Variants in DDX3X observed in about 807,000 individuals in gnomAD.
DDX3X encodes DEAD-box helicase 3 X-linked, also known as ATP-dependent RNA helicase DDX3X.
A neutral mutation model predicts 52.7 loss-of-function variants in DDX3X; 4 were observed. That is an observed-to-expected ratio of 0.08 (90% CI 0.04 to 0.17). The LOEUF (loss-of-function observed/expected upper bound fraction) is 0.17. DDX3X is among the 10% of genes least tolerant of loss of function. DDX3X has a pLI of 1.00. For synonymous variants in DDX3X, 192 were observed against 178.1 expected, an observed-to-expected ratio of 1.08 and a Z score of -0.62; for missense variants, 222 against 548.6, an observed-to-expected ratio of 0.40 and a Z score of 5.95.
intron 14 of DDX3X, 33 bp downstream of exon 14, chrX:41,346,655 T>C: frequency 5.4e-6 from 6 of 1,101,282 alleles, no homozygotes; most frequent in Non-Finnish European, 7.5e-6. Context: ...GTTTCATTGT[T>C]TTTTGCTGTG....
At chrX:41,363,793 G>C (rs868457887) in intron 5 of DDX3X, among the ~76,000 whole-genome samples, 8 of 108,474 alleles carry the variant, frequency 7.4e-5, no homozygotes, top group African/African-American at 6.7e-5. Flanking sequence ...CAAAACAAAA[G>C]AAACAAACAA....
rs1386383167 is a variant in DDX3X at position 41,344,606 on chromosome X, T to C, written c.1025+207T>C. ...GCATGTGCCACCACGCTGGGCTAAT[T>C]TTTGTATTTTTAGTAGAGGCGGGGT... is the stretch of plus-strand genomic sequence containing the variant. On this transcript the variant is annotated intron_variant, in intron 10 of 16. Transcript: ENST00000644876. The C allele has an allele frequency of 1.4e-5, 6 of 439,476 alleles. No homozygotes were observed. The East Asian group carries it at 2.5e-4, about 18-fold the overall frequency. The allele number at this position is 439,476 out of a possible 1,213,427, so 36.2% of individuals were successfully genotyped here. A position where few individuals can be genotyped will look rare whatever the true frequency, so the allele number is the denominator to read the frequency against.
chrX:41,358,065 C>CT lies in DDX3X; in HGVS notation c.655-6180dup, dbSNP rs59380932. 363 of 45,941 alleles carry CT rather than the reference C, an allele frequency of 7.9e-3. 75 individuals carry two copies. The highest frequency in any genetic ancestry group is 1.0e-2 in the Non-Finnish European group (283 of 28,352). 3.8% of individuals were successfully genotyped at this position (45,941 alleles called of 1,213,427 possible). A position where few individuals can be genotyped will look rare whatever the true frequency, so the allele number is the denominator to read the frequency against. ...CCTATCTGGGACAGAGATAGACACT[C>CT]TTTTTTTTTTTTTTTTTTTTTTTTT... On this transcript the variant is annotated intron_variant, in intron 5 of 5. Transcript: ENST00000616050.
At chrX:41,359,473 T>C (rs2147372520) in intron 5 of DDX3X, among the ~76,000 whole-genome samples, 1 of 108,657 alleles carries the variant, frequency 9.2e-6, no homozygotes, top group South Asian at 4.1e-4. Context: ...GGTGTGCACC[T>C]GTAATTCCAG....
chrX:41,362,710 C>G lies in DDX3X; in HGVS notation c.655-1564C>G, dbSNP rs1444487283. On this transcript the variant is annotated intron_variant, in intron 5 of 5. Transcript: ENST00000616050. ...GAAGCGCTACAGAAAAGACATCCGTCCCCTGACAGGGCTCTGGGCTAGTCT... is the reference window on the plus strand; with the variant it reads ...GAAGCGCTACAGAAAAGACATCCGTGCCCTGACAGGGCTCTGGGCTAGTCT... 2.7e-5 allele frequency among the ~76,000 whole-genome samples: 3 copies of G among 112,129 alleles called. No homozygotes were observed. The Admixed American group carries it at 2.9e-4, about 11-fold the overall frequency.
At chrX:41,354,677 C>T (rs2064001538), downstream of DDX3X, among the ~76,000 whole-genome samples, 1 of 110,682 alleles carries the variant, frequency 9.0e-6, no homozygotes, top group Non-Finnish European at 1.9e-5. Flanking sequence ...TAACCTGTCC[C>T]CAACCCCTGA....
Position 41,344,147 on chromosome X carries a change from G to A in DDX3X, c.864+19G>A. Reference sequence around the variant, plus strand: ...CAGAAAAGTAAGTATGAGTTCCAGTGATTATTAGCTTTTTCATTGATTCTA... The same window carrying A: ...CAGAAAAGTAAGTATGAGTTCCAGTAATTATTAGCTTTTTCATTGATTCTA... On this transcript the variant is annotated intron_variant, in intron 9 of 16. Coordinates refer to ENST00000644876, the MANE Select transcript of DDX3X (RefSeq NM_001356.5). 2 of 1,189,860 alleles carry A rather than the reference G, an allele frequency of 1.7e-6. No homozygotes were observed. Among genetic ancestry groups the A allele is most frequent in the African/African-American group, 3.5e-5 (2 of 56,612 alleles).
At chrX:41,342,962 A>G (rs775675932) in intron 6 of DDX3X, 126 bp downstream of exon 6, 21 of 622,245 alleles carry the variant, frequency 3.4e-5, no homozygotes, top group Non-Finnish European at 5.0e-5. Flanking sequence ...GGAAAAGGAG[A>G]AGTTGAGTTC....
chrX:41,345,535 C>T lies in DDX3X; in HGVS notation c.1302C>T (p.Leu434=), dbSNP rs1207514378. Residue 434 remains leucine, a synonymous_variant, in exon 12 of 17, where the codon CTC becomes CTT. Coordinates refer to ENST00000644876, the MANE Select transcript of DDX3X (RefSeq NM_001356.5). ...ACAAACGGTCATTTCTGCTTGACCT[C>T]CTAAATGCAACAGGTAACATTATGA... ...ESDKRSFLLD[L]LNATGKDSLT... is the part of the protein sequence containing the mutation. 2 of 1,197,417 alleles carry T rather than the reference C, an allele frequency of 1.7e-6. No homozygotes were observed. Among genetic ancestry groups the T allele is most frequent in the South Asian group, 3.7e-5 (2 of 54,511 alleles).
At chrX:41,361,033 G>A (rs940096565) in intron 5 of DDX3X, among the ~76,000 whole-genome samples, 12 of 108,228 alleles carry the variant, frequency 1.1e-4, no homozygotes, top group African/African-American at 4.0e-4. Flanking sequence ...CATGAGCCAC[G>A]GTGCTTGGCC....
downstream of DDX3X, chrX:41,351,742 T>C (rs1412060313): frequency 8.9e-6 from 1 of 112,015 alleles, no homozygotes; most frequent in East Asian, 2.8e-4. Context: ...GTTTCTAATG[T>C]GGCTGTCCTC....
In DDX3X at chrX:41,339,114, AT is replaced by A; in HGVS notation, c.151+37del. 7.5e-6 allele frequency: 7 copies of A among 936,094 alleles called. No individual in the cohort carries two copies. In the South Asian group the frequency reaches 9.0e-5, roughly 12 times the overall value. 77.1% of individuals were successfully genotyped at this position (936,094 alleles called of 1,213,427 possible). On this transcript the variant is annotated intron_variant, in intron 3 of 16. Coordinates refer to ENST00000644876, the MANE Select transcript of DDX3X (RefSeq NM_001356.5). ...TCCTCACAAGTAACTTCGTAGGTCT[AT>A]TTTTTGCCTCCTTTAGAAGTTAGTA...
upstream of DDX3X, chrX:41,334,032 G>T: frequency 4.7e-6 from 2 of 426,593 alleles, no homozygotes; most frequent in Non-Finnish European, 8.3e-6. Flanking sequence ...ACCTGAGGGA[G>T]CGCGCAGTAG....
chrX:41,361,437 G>A (rs917732064), intron 5 of DDX3X, among the ~76,000 whole-genome samples: 3 of 110,637 alleles, frequency 2.7e-5, no homozygotes, highest in African/African-American at 9.9e-5. Context: ...ACTTGAACCC[G>A]GGAGGCGGAG....
At position 41,348,104 on chromosome X, in the gene DDX3X, CAAAAT is replaced by C. The variant is rs1316089939; in HGVS notation, c.*389_*393del. Reference sequence around the variant, plus strand: ...ATGCTCAAGATATCAATTGTTTTGACAAAATAAATTTACTGAACTTGGGCTAAAAT... The same window carrying C: ...ATGCTCAAGATATCAATTGTTTTGACAAATTTACTGAACTTGGGCTAAAAT... On this transcript the variant is annotated 3_prime_UTR_variant, in exon 17 of 17. Coordinates refer to ENST00000644876, the MANE Select transcript of DDX3X (RefSeq NM_001356.5). The C allele has an allele frequency of 7.1e-6, 2 of 282,567 alleles. No homozygotes were observed. Among genetic ancestry groups the C allele is most frequent in the Non-Finnish European group, 1.2e-5 (2 of 161,877 alleles). 23.3% of individuals were successfully genotyped at this position (282,567 alleles called of 1,213,427 possible).
downstream of DDX3X, among the ~76,000 whole-genome samples, chrX:41,354,344 C>CTTTTTTTT (rs60965317): frequency 4.2e-3 from 297 of 69,917 alleles, 26 homozygotes; most frequent in African/African-American, 0.016. Flanking sequence ...TGTGCTACCT[C>CTTTTTTTT]TTTTTTTTTT....
chrX:41,345,108 A>C (rs2063906373), intron 10 of DDX3X, 72 bp from the exon 11 acceptor site: 1 of 994,760 alleles, frequency 1.0e-6, no homozygotes, highest in Non-Finnish European at 1.4e-6. Context: ...TTATACTAAC[A>C]GCCATACTAA....
intron 9 of DDX3X, 23 bp from the exon 10 acceptor site, chrX:41,344,216 C>T (rs370318891): frequency 8.3e-7 from 1 of 1,202,305 alleles, no homozygotes; most frequent in Non-Finnish European, 1.1e-6. Flanking sequence ...CCTTGAAGTT[C>T]ATAACATTTT....
intron 5 of DDX3X, chrX:41,357,788 A>T (rs767412482): frequency 4.4e-5 from 13 of 292,740 alleles, no homozygotes; most frequent in African/African-American, 3.0e-4. Flanking sequence ...AGTAAAGATT[A>T]CCTAGTACTT....
Sources: allele counts gnomAD v4.1 joint callset (sites outside exome capture counted in the v4.1 genomes callset), GRCh38; gene constraint gnomAD v4.1.1; transcripts MANE v1.5; gene names NCBI Gene and HGNC (gene_info 2026-07-23, HGNC 2026-07-21).